DCHS2: variants seen among roughly 807,000 people sequenced by gnomAD.
DCHS2 encodes the protein dachsous cadherin-related 2, also known as protocadherin-23.
In DCHS2, 142 loss-of-function variants were observed where a neutral mutation model predicts 182.4. That is an observed-to-expected ratio of 0.78 (90% CI 0.68 to 0.89). DCHS2 has a LOEUF of 0.89. DCHS2 is among the 40% of genes least tolerant of loss of function. DCHS2 has a pLI of 0.00. For synonymous variants in DCHS2, 1,740 were observed against 1,663.3 expected, an observed-to-expected ratio of 1.05 and a Z score of -1.12; for missense variants, 4,319 against 4,198.6, an observed-to-expected ratio of 1.03 and a Z score of -0.79.
intron 1 of DCHS2, among the ~76,000 whole-genome samples, chr4:154,446,746 C>T (rs1734301453): frequency 6.6e-6 from 1 of 151,818 alleles, no homozygotes; most frequent in South Asian, 2.1e-4. Context: ...TATCAGATTT[C>T]AAGAATAAAG....
At chr4:154,263,851 G>T (rs1426899991) in intron 14 of DCHS2, among the ~76,000 whole-genome samples, 1 of 152,036 alleles carries the variant, frequency 6.6e-6, no homozygotes, top group Admixed American at 6.6e-5. Context: ...ATCACAGAAG[G>T]ATTACAATCT....
At chr4:154,309,416 T>C (rs1174906141) in intron 10 of DCHS2, among the ~76,000 whole-genome samples, 5 of 152,206 alleles carry the variant, frequency 3.3e-5, no homozygotes, top group African/African-American at 1.2e-4. Flanking sequence ...TGCTATTCAG[T>C]CTGTTTTGCT....
intron 12 of DCHS2, among the ~76,000 whole-genome samples, chr4:154,302,516 C>A (rs932302477): frequency 3.3e-5 from 5 of 152,184 alleles, no homozygotes; most frequent in African/African-American, 1.2e-4. Context: ...TGCCTATCTC[C>A]TGTGTGGCTC....
At chr4:154,268,069 A>G (rs1733374393) in intron 14 of DCHS2, among the ~76,000 whole-genome samples, 1 of 152,214 alleles carries the variant, frequency 6.6e-6, no homozygotes, top group South Asian at 2.1e-4. Context: ...TGTGGCCATG[A>G]CTTTTGCATC....
intron 1 of DCHS2, among the ~76,000 whole-genome samples, chr4:154,442,084 T>G (rs991160080): frequency 3.3e-5 from 5 of 152,188 alleles, no homozygotes; most frequent in Non-Finnish European, 5.9e-5. Context: ...CATCGTCATC[T>G]GGGTGACCTT....
chr4:154,295,176 A>T (rs573634154), intron 13 of DCHS2, among the ~76,000 whole-genome samples: 15 of 152,324 alleles, frequency 9.8e-5, no homozygotes, highest in Admixed American at 8.5e-4. Flanking sequence ...CAGATGTGGG[A>T]CTTGGGTGAA....
intron 13 of DCHS2, among the ~76,000 whole-genome samples, chr4:154,295,219 G>C (rs10003606): frequency 5.3e-5 from 8 of 152,128 alleles, no homozygotes. Context: ...TGTGAAGTAC[G>C]TACCCTCTTC....
intron 1 of DCHS2, among the ~76,000 whole-genome samples, chr4:154,472,914 A>G (rs1183050797): frequency 6.6e-6 from 1 of 152,228 alleles, no homozygotes; most frequent in Non-Finnish European, 1.5e-5. Context: ...AAATCATTCA[A>G]CAGAAATGTA....
intron 3 of DCHS2, among the ~76,000 whole-genome samples, chr4:154,363,262 A>G (rs1730206346): frequency 6.6e-6 from 1 of 152,198 alleles, no homozygotes; most frequent in Non-Finnish European, 1.5e-5. Flanking sequence ...TATTTACACT[A>G]GTATGTTCAT....
intron 13 of DCHS2, among the ~76,000 whole-genome samples, chr4:154,287,566 C>T (rs919779684): frequency 6.6e-5 from 10 of 152,172 alleles, no homozygotes; most frequent in East Asian, 1.9e-4. Flanking sequence ...CTGCAAACTC[C>T]GCCTCCCAGA....
At chr4:154,307,986 C>T (rs906879309) in intron 10 of DCHS2, among the ~76,000 whole-genome samples, 17 of 152,166 alleles carry the variant, frequency 1.1e-4, no homozygotes, top group African/African-American at 4.1e-4. Context: ...TCAGAATTTT[C>T]CTGTCAGGTC....
chr4:154,438,337 G>T (rs1560758449), intron 1 of DCHS2, among the ~76,000 whole-genome samples: 1 of 152,184 alleles, frequency 6.6e-6, no homozygotes, highest in Non-Finnish European at 1.5e-5. Flanking sequence ...GACTGTAGAG[G>T]CCAGGCCACT....
intron 2 of DCHS2, among the ~76,000 whole-genome samples, chr4:154,376,782 T>G (rs144163731): frequency 2.9e-3 from 435 of 152,284 alleles, no homozygotes; most frequent in African/African-American, 0.01. Context: ...AAGGATGTAA[T>G]CAGCCACATT....
chr4:154,300,800 G>A (rs531489675), intron 12 of DCHS2, among the ~76,000 whole-genome samples: 7 of 152,236 alleles, frequency 4.6e-5, no homozygotes, highest in South Asian at 2.1e-4. Flanking sequence ...CAATATTTGC[G>A]TGCAGGAAGT....
intron 2 of DCHS2, among the ~76,000 whole-genome samples, chr4:154,372,598 C>CA (rs1201639853): frequency 1.2e-4 from 18 of 151,278 alleles, no homozygotes; most frequent in Admixed American, 5.9e-4. Context: ...GCACATACAC[C>CA]AAAAAAAATC....
Position 154,321,162 on chromosome 4 carries a change from G to A in DCHS2, c.4237C>T (p.Pro1413Ser), listed in dbSNP as rs151227247. ...MSQNIRHLIIPENLKPTKIMS... is the reference protein window; with the variant it reads ...MSQNIRHLIISENLKPTKIMS... ...ATTTTTGTGGGCTTCAAATTTTCTG[G>A]TATAATTAAATGTCTAATATTCTGA... Residue 1413 changes from proline (P) to serine (S), a missense_variant, in exon 9 of 20, where the codon CCA becomes TCA. Transcript: ENST00000357232. 14 of 1,589,246 alleles carry A rather than the reference G, an allele frequency of 8.8e-6. No individual in the cohort carries two copies. In the South Asian group the frequency reaches 1.4e-4, roughly 16 times the overall value.
intron 13 of DCHS2, among the ~76,000 whole-genome samples, chr4:154,272,768 T>G (rs1733659161): frequency 6.6e-6 from 1 of 152,174 alleles, no homozygotes; most frequent in African/African-American, 2.4e-5. Flanking sequence ...ACATCCACAT[T>G]GATTGGTATT....
intron 3 of DCHS2, among the ~76,000 whole-genome samples, chr4:154,339,002 G>A (rs908122897): frequency 1.3e-5 from 2 of 152,158 alleles, no homozygotes; most frequent in African/African-American, 4.8e-5. Context: ...GACATTAATA[G>A]ATAGATATAA....
At chr4:154,451,370 C>A (rs1734527182) in intron 1 of DCHS2, among the ~76,000 whole-genome samples, 1 of 152,168 alleles carries the variant, frequency 6.6e-6, no homozygotes, top group African/African-American at 2.4e-5. Context: ...TCATCATGAA[C>A]AGGATGTTAA....
Sources: allele counts gnomAD v4.1 joint callset (sites outside exome capture counted in the v4.1 genomes callset), GRCh38; gene constraint gnomAD v4.1.1; transcripts MANE v1.5; gene names NCBI Gene and HGNC (gene_info 2026-07-23, HGNC 2026-07-21).